SLC39A10: variants seen among roughly 807,000 people sequenced by gnomAD.
The protein encoded by SLC39A10 is zinc transporter ZIP10.
Under a neutral mutation model 65.1 loss-of-function variants are expected in SLC39A10, and 13 were observed. That is an observed-to-expected ratio of 0.20 (90% confidence interval 0.13 to 0.32). The LOEUF is 0.32. SLC39A10 is among the 10% of genes least tolerant of loss of function. The pLI, the probability that SLC39A10 is intolerant of heterozygous loss-of-function variation, is 1.00. For missense variants in SLC39A10, 831 were observed against 1,018.4 expected (o/e 0.82, Z 2.50); for synonymous variants, 321 against 342.2 (o/e 0.94, Z 0.68).
At chr2:195,725,774 A>G (rs913386363) in intron 8 of SLC39A10, among the ~76,000 whole-genome samples, 2 of 152,208 alleles carry the variant, frequency 1.3e-5, no homozygotes, top group East Asian at 3.8e-4. Context: ...TTACTGAGCA[A>G]TAAAATAATT....
At chr2:195,729,130 G>C (rs779403034) in intron 9 of SLC39A10, among the ~76,000 whole-genome samples, 4 of 151,542 alleles carry the variant, frequency 2.6e-5, no homozygotes, top group African/African-American at 4.9e-5. Flanking sequence ...TGCCACCACA[G>C]CCAGCAAAAA....
At chr2:195,678,132 AC>A (rs1352308598) in intron 1 of SLC39A10, among the ~76,000 whole-genome samples, 1 of 152,126 alleles carries the variant, frequency 6.6e-6, no homozygotes, top group Admixed American at 6.5e-5. Context: ...TTGGGCATAT[AC>A]CCCAGATTAA....
intron 2 of SLC39A10, among the ~76,000 whole-genome samples, chr2:195,648,419 T>C (rs1688967845): frequency 6.6e-6 from 1 of 152,192 alleles, no homozygotes; most frequent in African/African-American, 2.4e-5. Flanking sequence ...GGCTCACACC[T>C]GTAATTCCAA....
At chr2:195,686,501 G>C (rs1412030300) in intron 3 of SLC39A10, among the ~76,000 whole-genome samples, 7 of 152,286 alleles carry the variant, frequency 4.6e-5, no homozygotes, top group Middle Eastern at 3.4e-3. Context: ...AGTGAGCTGA[G>C]ATCACGCCAC....
intron 2 of SLC39A10, among the ~76,000 whole-genome samples, chr2:195,626,868 C>G (rs1274055730): frequency 6.6e-6 from 1 of 152,158 alleles, no homozygotes; most frequent in Non-Finnish European, 1.5e-5. Flanking sequence ...TCATCTGTAT[C>G]CCAGGCTTAC....
chr2:195,650,464 C>T (rs1306913363), intron 2 of SLC39A10, among the ~76,000 whole-genome samples: 1 of 151,854 alleles, frequency 6.6e-6, no homozygotes, highest in Non-Finnish European at 1.5e-5. Context: ...TCTGTATTTT[C>T]GAAAGGACTT....
intron 3 of SLC39A10, among the ~76,000 whole-genome samples, chr2:195,689,500 T>C (rs1213224844): frequency 6.6e-6 from 1 of 152,172 alleles, no homozygotes; most frequent in Non-Finnish European, 1.5e-5. Context: ...TGTAGTAAAA[T>C]TATATAACAT....
chr2:195,719,045 A>G lies in SLC39A10; in HGVS notation c.2146+713A>G, dbSNP rs898666210. ...CTCAAAAAATAATCTTTAAAAACCT[A>G]TATTTTTCTTTTTTCATTTAAAAAA... On this transcript the variant is annotated intron_variant, in intron 8 of 9. Coordinates refer to ENST00000359634, the MANE Select transcript of SLC39A10 (RefSeq NM_020342.3). Among the ~76,000 whole-genome samples, 5 of 151,938 alleles carry G rather than the reference A, an allele frequency of 3.3e-5. No individual in the cohort carries two copies. The East Asian group carries it at 7.7e-4, about 23-fold the overall frequency.
chr2:195,680,843 C>T lies in SLC39A10; in HGVS notation c.801C>T (p.His267=), dbSNP rs754851273. 2.0e-5 allele frequency: 32 copies of T among 1,614,028 alleles called. No homozygotes were observed. In the East Asian group the frequency reaches 6.7e-4, roughly 34 times the overall value. Residue 267 remains histidine (H), a synonymous_variant, in exon 2 of 10, where the codon CAC becomes CAT. Transcript: ENST00000359634. ...AACAGTATGAGCATAATCGGGTCCACAAACCTGATCGTGTACATAACCCAG... is the reference window on the plus strand; with the variant it reads ...AACAGTATGAGCATAATCGGGTCCATAAACCTGATCGTGTACATAACCCAG... ...QGEQYEHNRV[H]KPDRVHNPGH... is the part of the protein sequence containing the mutation.
At chr2:195,651,889 A>G (rs1689038458), upstream of SLC39A10, among the ~76,000 whole-genome samples, 1 of 152,232 alleles carries the variant, frequency 6.6e-6, no homozygotes, top group African/African-American at 2.4e-5. Context: ...ATCAATGAAA[A>G]GAGTCAAATT....
chr2:195,677,546 A>C (rs1690140312), intron 1 of SLC39A10, among the ~76,000 whole-genome samples: 1 of 46,954 alleles, frequency 2.1e-5, no homozygotes, highest in African/African-American at 4.7e-5. Flanking sequence ...AAACAAACAA[A>C]AAAAAATCCA....
chr2:195,727,602 G>T (rs1004305721), intron 8 of SLC39A10, among the ~76,000 whole-genome samples: 2 of 152,038 alleles, frequency 1.3e-5, no homozygotes, highest in Admixed American at 6.6e-5. Context: ...TCTTCCTTAG[G>T]CCATTTCCCT....
At chr2:195,730,465 G>A (rs1346114744) in intron 9 of SLC39A10, among the ~76,000 whole-genome samples, 1 of 152,224 alleles carries the variant, frequency 6.6e-6, no homozygotes, top group Non-Finnish European at 1.5e-5. Flanking sequence ...AAGTAGCTGC[G>A]ATGACAGGCA....
Position 195,720,639 on chromosome 2 carries a change from G to A in SLC39A10, c.2146+2307G>A, listed in dbSNP as rs989676121. On this transcript the variant is annotated intron_variant, in intron 8 of 9. Coordinates refer to ENST00000359634, the MANE Select transcript of SLC39A10 (RefSeq NM_020342.3). ...AATCAATAACTTCTTACATAAAGCA[G>A]TAAAAATATATTAGTGCATACTTGG... Among the ~76,000 whole-genome samples the A allele has an allele frequency of 2.6e-5, 4 of 152,206 alleles. 1 individual carries two copies. Among genetic ancestry groups the A allele is most frequent in the African/African-American group, 9.6e-5 (4 of 41,462 alleles).
chr2:195,671,576 C>A (rs1231919677), intron 1 of SLC39A10: 1 of 152,180 alleles, frequency 6.6e-6, no homozygotes, highest in Non-Finnish European at 1.5e-5. Context: ...TTGGGCAAAG[C>A]TGTGTCCTAT....
chr2:195,666,237 G>A (rs757798108), intron 1 of SLC39A10, among the ~76,000 whole-genome samples: 4 of 152,110 alleles, frequency 2.6e-5, no homozygotes, highest in Non-Finnish European at 4.4e-5. Context: ...CATAAAAAAA[G>A]TCAATGTTAT....
chr2:195,624,420 G>GC (rs1212524153), intron 2 of SLC39A10, among the ~76,000 whole-genome samples: 1 of 146,290 alleles, frequency 6.8e-6, no homozygotes, highest in Non-Finnish European at 1.5e-5. Flanking sequence ...AAGGAAGAAG[G>GC]CCTAAAAACA....
At chr2:195,691,325 G>A (rs572884419) in intron 3 of SLC39A10, among the ~76,000 whole-genome samples, 2 of 152,210 alleles carry the variant, frequency 1.3e-5, no homozygotes, top group South Asian at 2.1e-4. Flanking sequence ...TGCTGTAAAC[G>A]TGTGTCCAAG....
At chr2:195,634,585 G>A (rs1209460422) in intron 2 of SLC39A10, among the ~76,000 whole-genome samples, 1 of 152,110 alleles carries the variant, frequency 6.6e-6, no homozygotes, top group Non-Finnish European at 1.5e-5. Flanking sequence ...TGGGTCTTTT[G>A]AATATTGATG....
Sources: gnomAD v4.1 joint callset for allele counts (sites outside exome capture counted in the v4.1 genomes callset) on GRCh38, gnomAD v4.1.1 for gene constraint, MANE v1.5 for transcripts, NCBI Gene and HGNC (gene_info 2026-07-23, HGNC 2026-07-21) for gene names.